CCPG1: variants seen among roughly 807,000 people sequenced by gnomAD.
The protein encoded by CCPG1 is cell cycle progression 1.
In CCPG1, 46 loss-of-function variants were observed where a neutral mutation model predicts 81.3. That is an observed-to-expected ratio of 0.57 (90% CI 0.45 to 0.72). The LOEUF is 0.72. Ranked by LOEUF, CCPG1 falls within the 30% of genes least tolerant of loss-of-function variation. The pLI, the probability that CCPG1 is intolerant of heterozygous loss-of-function variation, is 0.00. For synonymous variants in CCPG1, 330 were observed against 305.2 expected, an observed-to-expected ratio of 1.08 and a Z score of -0.85; for missense variants, 902 against 937.6, an observed-to-expected ratio of 0.96 and a Z score of 0.50.
chr15:55,360,538 G>C lies in CCPG1; in HGVS notation c.1235C>G (p.Ser412Ter). Residue 412 changes from serine to a stop codon, truncating the protein, a stop_gained, in exon 8 of 9, where the codon TCA becomes TGA. Coordinates refer to ENST00000442196, the MANE Select transcript of CCPG1 (RefSeq NM_001204450.2). LOFTEE classifies it high-confidence loss of function. ...TTCAGTATATACATTGGGAGAATCT[G>C]ACTTGCCATGTAACTGACTACCACT... ...QLSGSQLHGKSDSPNVYTEKK... is the reference protein window; with the variant it reads ...QLSGSQLHGK 1 of 1,614,038 alleles carries C rather than the reference G, an allele frequency of 6.2e-7. No homozygotes were observed. The highest frequency in any genetic ancestry group is 8.5e-7 in the Non-Finnish European group (1 of 1,180,010).
intron 3 of CCPG1, among the ~76,000 whole-genome samples, chr15:55,384,693 T>C (rs1422453768): frequency 2.0e-5 from 3 of 152,032 alleles, no homozygotes. Flanking sequence ...AAATGAAATA[T>C]TATAATTATA....
rs1267758271 is a variant in CCPG1 at position 55,365,068 on chromosome 15, AT to A, written c.828+119del. The A allele has an allele frequency of 6.3e-6, 4 of 637,710 alleles. No homozygotes were observed. The African/African-American group carries it at 7.5e-5, about 12-fold the overall frequency. The allele number at this position is 637,710 out of a possible 1,614,324, so 39.5% of individuals were successfully genotyped here. A position where few individuals can be genotyped will look rare whatever the true frequency, so the allele number is the denominator to read the frequency against. On this transcript the variant is annotated intron_variant, in intron 7 of 8. Transcript: ENST00000442196. ...AGGACACACTAAATACCCGTACTCA[AT>A]TCAACAATGATCAGCATTATTACTG...
intron 7 of CCPG1, among the ~76,000 whole-genome samples, chr15:55,362,185 G>A (rs1446663433): frequency 6.6e-6 from 1 of 152,036 alleles, no homozygotes; most frequent in Admixed American, 6.6e-5. Flanking sequence ...GGTTCAACAG[G>A]TTCTTAAAGC....
chr15:55,362,864 A>AC (rs59891562), intron 7 of CCPG1, among the ~76,000 whole-genome samples: 27,341 of 151,758 alleles, frequency 0.18, 4,263 homozygotes, highest in African/African-American at 0.43. Context: ...ACATAGTGAG[A>AC]CCCCATCTCT....
In CCPG1 at chr15:55,360,189, T is replaced by A. The variant is rs1462983722; in HGVS notation, c.1584A>T (p.Ser528=). 3.7e-6 allele frequency: 6 copies of A among 1,613,400 alleles called. No individual in the cohort carries two copies. The highest frequency in any genetic ancestry group is 5.1e-6 in the Non-Finnish European group (6 of 1,179,840). ...VKENLKKFSD[S]VKSTFRHFKD... ...TAAAGTGTCTGAAAGTGGATTTAAC[T>A]GAATCTGAGAATTTTTTCAGATTTT... The change falls in exon 8 of 9, where the codon TCA becomes TCT. Residue 528 remains serine (S), a synonymous_variant. Transcript: ENST00000442196.
intron 5 of CCPG1, chr15:55,372,689 G>A (rs1452671218): frequency 3.9e-6 from 1 of 254,454 alleles, no homozygotes; most frequent in South Asian, 4.2e-5. Flanking sequence ...GCTATTACAG[G>A]TATAAACAAG....
rs772715908 is a variant in CCPG1, at chr15:55,372,055, A to G, written c.455-11T>C. 1.5e-5 allele frequency: 24 copies of G among 1,606,924 alleles called. No homozygotes were observed. The South Asian group carries it at 1.9e-4, about 13-fold the overall frequency. Reference sequence around the variant, plus strand: ...GCTGAGATGAAAATACTATTAAGAAAAAAGTTGACATTTAGCTATTCAAAA... The same window carrying G: ...GCTGAGATGAAAATACTATTAAGAAGAAAGTTGACATTTAGCTATTCAAAA... On this transcript the variant is annotated splice_polypyrimidine_tract_variant and intron_variant, in intron 5 of 8. Coordinates refer to ENST00000442196, the MANE Select transcript of CCPG1 (RefSeq NM_001204450.2).
chr15:55,358,591 A>T, intron 8 of CCPG1: 2 of 985,294 alleles, frequency 2.0e-6, no homozygotes, highest in Non-Finnish European at 2.4e-6. Context: ...GCAAATCCTC[A>T]TTTCTCTTCC....
chr15:55,359,574 G>A lies in CCPG1; in HGVS notation c.2199C>T (p.Phe733=). ...ATGGAGGGGAAAAAGTGTGACCAAA[G>A]AAGTGTCTATATATATATTCATCCA... ...EKLDEYIYRH[F]FGHTFSPPYG... is the part of the protein sequence containing the mutation. The change falls in exon 8 of 9, where the codon TTC becomes TTT. Residue 733 remains phenylalanine, a synonymous_variant. Transcript: ENST00000442196. The A allele has an allele frequency of 1.2e-6, 2 of 1,611,538 alleles. No homozygotes were observed. Among genetic ancestry groups the A allele is most frequent in the Non-Finnish European group, 1.7e-6 (2 of 1,179,288 alleles).
intron 6 of CCPG1, among the ~76,000 whole-genome samples, chr15:55,369,202 T>C (rs1294642872): frequency 3.3e-5 from 5 of 151,752 alleles, no homozygotes; most frequent in African/African-American, 1.2e-4. Flanking sequence ...GGCTCTGAAA[T>C]CAACTCCAAA....
At chr15:55,380,869 G>A (rs1455771473) in intron 3 of CCPG1, among the ~76,000 whole-genome samples, 1 of 151,922 alleles carries the variant, frequency 6.6e-6, no homozygotes, top group Non-Finnish European at 1.5e-5. Context: ...CGGGCGCGGC[G>A]GCTCACGCCT....
intron 1 of CCPG1, among the ~76,000 whole-genome samples, chr15:55,391,138 A>T (rs140692948): frequency 1.5e-4 from 23 of 152,248 alleles, no homozygotes; most frequent in African/African-American, 5.3e-4. Flanking sequence ...CTTTATTTTG[A>T]GTGTGACAGG....
At chr15:55,400,714 C>T (rs1208889518) in intron 1 of CCPG1, among the ~76,000 whole-genome samples, 1 of 152,190 alleles carries the variant, frequency 6.6e-6, no homozygotes, top group Admixed American at 6.5e-5. Context: ...TTCCGCTCAT[C>T]TCATGAGCAA....
intron 3 of CCPG1, among the ~76,000 whole-genome samples, chr15:55,380,517 G>T (rs2056664523): frequency 6.6e-6 from 1 of 151,492 alleles, no homozygotes; most frequent in Admixed American, 6.6e-5. Flanking sequence ...GGATGGTCTT[G>T]ATCTCCTGAC....
At chr15:55,391,769 T>G (rs994223485) in intron 1 of CCPG1, among the ~76,000 whole-genome samples, 1 of 150,836 alleles carries the variant, frequency 6.6e-6, no homozygotes, top group African/African-American at 2.4e-5. Context: ...GGAAGGAAGA[T>G]CCCTTGAGGC....
At chr15:55,379,155 T>C (rs938459786) in intron 3 of CCPG1, among the ~76,000 whole-genome samples, 3 of 126,774 alleles carry the variant, frequency 2.4e-5, no homozygotes, top group Non-Finnish European at 4.9e-5. Flanking sequence ...TATGTATGTA[T>C]ATGTACGTGT....
At chr15:55,374,029 A>G (rs556623197) in intron 5 of CCPG1, 1 of 380,750 alleles carries the variant, frequency 2.6e-6, no homozygotes, top group East Asian at 8.9e-5. Flanking sequence ...CTCCTTTACA[A>G]GAGATTCTGA....
chr15:55,388,837 G>A (rs1018118445), intron 2 of CCPG1, among the ~76,000 whole-genome samples: 26 of 151,090 alleles, frequency 1.7e-4, no homozygotes, highest in African/African-American at 6.3e-4. Flanking sequence ...TTGGGAAGCC[G>A]AGGCAGATGG....
intron 1 of CCPG1, among the ~76,000 whole-genome samples, chr15:55,399,399 T>C (rs2141342218): frequency 7.6e-6 from 1 of 131,516 alleles, no homozygotes; most frequent in African/African-American, 3.0e-5. Flanking sequence ...GGTGCAAACC[T>C]CATCTCCACT....
Sources: gnomAD v4.1 joint callset for allele counts (sites outside exome capture counted in the v4.1 genomes callset) on GRCh38, gnomAD v4.1.1 for gene constraint, MANE v1.5 for transcripts, NCBI Gene and HGNC (gene_info 2026-07-23, HGNC 2026-07-21) for gene names.